Variants in MBD5 observed in about 807,000 individuals in gnomAD.
MBD5 encodes the protein methyl-CpG binding domain protein 5, also known as methyl-CpG-binding domain protein 5.
In MBD5, 13 loss-of-function variants were observed where a neutral mutation model predicts 117.3. That is an observed-to-expected ratio of 0.11 (90% CI 0.07 to 0.18). The LOEUF (loss-of-function observed/expected upper bound fraction) is 0.18. MBD5 is among the 10% of genes least tolerant of loss of function. The pLI, the probability that MBD5 is intolerant of heterozygous loss-of-function variation, is 1.00. For synonymous variants in MBD5, 727 were observed against 766.4 expected, an observed-to-expected ratio of 0.95 and a Z score of 0.85; for missense variants, 1,879 against 2,093.8, an observed-to-expected ratio of 0.90 and a Z score of 2.00.
chr2:148,399,915 G>A (rs1451929396), intron 4 of MBD5, among the ~76,000 whole-genome samples: 2 of 152,130 alleles, frequency 1.3e-5, no homozygotes, highest in African/African-American at 2.4e-5. Context: ...AGATAATCAT[G>A]TGGTTTTTTT....
intron 1 of MBD5, chr2:148,026,373 CAAAG>C (rs747222373): frequency 6.6e-6 from 1 of 151,486 alleles, no homozygotes; most frequent in Non-Finnish European, 1.5e-5. Flanking sequence ...TACAGAAAAA[CAAAG>C]AAAAAAAACC....
intron 4 of MBD5, among the ~76,000 whole-genome samples, chr2:148,389,251 CATATATATATATATATATATATATATAT>C (rs70995314): frequency 0.052 from 1,695 of 32,436 alleles, 87 homozygotes; most frequent in African/African-American, 0.076. Flanking sequence ...GAAAAAAAAA[CATATATATATATATATATATATATATAT>C]ATATATATAT....
At chr2:148,076,847 C>CT (rs1298623534) in intron 1 of MBD5, among the ~76,000 whole-genome samples, 1 of 152,206 alleles carries the variant, frequency 6.6e-6, no homozygotes, top group African/African-American at 2.4e-5. Context: ...TCCCTCTTCT[C>CT]TAAGTTCTCA....
intron 1 of MBD5, among the ~76,000 whole-genome samples, chr2:148,030,913 CT>C (rs1282231836): frequency 2.6e-5 from 4 of 152,066 alleles, no homozygotes; most frequent in Non-Finnish European, 5.9e-5. Flanking sequence ...GGTGAAAAGC[CT>C]AGTCAATTGA....
chr2:148,179,354 C>CA (rs762312262), intron 2 of MBD5, among the ~76,000 whole-genome samples: 4,393 of 70,746 alleles, frequency 0.062, 140 homozygotes, highest in African/African-American at 0.14. Context: ...GACTCTGTCT[C>CA]AAAAAAAAAA....
chr2:148,045,796 C>T (rs1694508448), intron 1 of MBD5, among the ~76,000 whole-genome samples: 1 of 151,994 alleles, frequency 6.6e-6, no homozygotes, highest in Admixed American at 6.5e-5. Flanking sequence ...TCTCCATTGT[C>T]TTTATGCTAT....
At chr2:148,158,518 A>G (rs1422164710) in intron 1 of MBD5, among the ~76,000 whole-genome samples, 3 of 152,220 alleles carry the variant, frequency 2.0e-5, no homozygotes, top group Non-Finnish European at 2.9e-5. Flanking sequence ...ACGAAGAGCC[A>G]GGACAAGAGA....
At chr2:148,029,381 AT>A (rs1455986024) in intron 1 of MBD5, among the ~76,000 whole-genome samples, 1 of 152,098 alleles carries the variant, frequency 6.6e-6, no homozygotes, top group Non-Finnish European at 1.5e-5. Context: ...TTGCTATTCA[AT>A]TTATTCGAAT....
intron 11 of MBD5, among the ~76,000 whole-genome samples, chr2:148,500,819 T>C (rs1681849239): frequency 6.6e-6 from 1 of 152,222 alleles, no homozygotes; most frequent in Admixed American, 6.5e-5. Flanking sequence ...AAATGAAATA[T>C]GCAAAGCATC....
At chr2:148,290,020 A>G (rs1701464483) in intron 3 of MBD5, among the ~76,000 whole-genome samples, 2 of 144,722 alleles carry the variant, frequency 1.4e-5, no homozygotes, top group South Asian at 4.3e-4. Flanking sequence ...CAGTAGCACG[A>G]TCTTAGCTCA....
intron 1 of MBD5, among the ~76,000 whole-genome samples, chr2:148,116,441 C>G (rs1696644302): frequency 6.6e-6 from 1 of 152,164 alleles, no homozygotes; most frequent in South Asian, 2.1e-4. Context: ...CATGTGAAAA[C>G]TAAGCATCTA....
chr2:148,184,925 G>A (rs1328474661), intron 2 of MBD5, among the ~76,000 whole-genome samples: 2 of 152,192 alleles, frequency 1.3e-5, no homozygotes, highest in African/African-American at 2.4e-5. Flanking sequence ...TCCCACCAGG[G>A]AGAACAGCAG....
At chr2:148,423,521 G>T (rs1705676808) in intron 4 of MBD5, among the ~76,000 whole-genome samples, 1 of 151,988 alleles carries the variant, frequency 6.6e-6, no homozygotes, top group Non-Finnish European at 1.5e-5. Context: ...ATCACCACCA[G>T]GCCTACCTTA....
chr2:148,293,661 G>A (rs1401010785), intron 3 of MBD5, among the ~76,000 whole-genome samples: 1 of 152,074 alleles, frequency 6.6e-6, no homozygotes, highest in Non-Finnish European at 1.5e-5. Flanking sequence ...CCAGTATAAT[G>A]TTGAATAGAA....
At chr2:148,030,135 G>T (rs542864045) in intron 1 of MBD5, among the ~76,000 whole-genome samples, 1 of 152,106 alleles carries the variant, frequency 6.6e-6, no homozygotes, top group South Asian at 2.1e-4. Context: ...GCCAGGCTTG[G>T]TGGCACATAC....
At chr2:148,041,728 G>A (rs939081430) in intron 1 of MBD5, among the ~76,000 whole-genome samples, 3 of 152,034 alleles carry the variant, frequency 2.0e-5, no homozygotes, top group Admixed American at 6.6e-5. Flanking sequence ...TGATTACTGG[G>A]GCAAAAGAAG....
chr2:148,384,174 CCT>C (rs1298668990), intron 4 of MBD5, among the ~76,000 whole-genome samples: 1 of 152,016 alleles, frequency 6.6e-6, no homozygotes, highest in Admixed American at 6.6e-5. Flanking sequence ...TCAAATTGTC[CCT>C]GTTTGCAGAT....
At chr2:148,491,316 G>A (rs1358859408) in intron 11 of MBD5, among the ~76,000 whole-genome samples, 1 of 121,598 alleles carries the variant, frequency 8.2e-6, no homozygotes, top group Non-Finnish European at 1.7e-5. Context: ...TTTTTTTTTC[G>A]GCCTTTACAA....
Position 148,490,354 on chromosome 2 carries a change from T to C in MBD5, c.4722T>C (p.Asn1574=), listed in dbSNP as rs1295448174. 6.2e-7 allele frequency: 1 copy of C among 1,614,204 alleles called. No homozygotes were observed. The highest frequency in any genetic ancestry group is 8.5e-7 in the Non-Finnish European group (1 of 1,180,028). ...ACATCCATTACAATGGAGACTTTAA[T>C]GCCAAAAGCGTTAATGGGTGTGTGC... ...KDYIHYNGDF[N]AKSVNGCVPS... The change falls in exon 11 of 14, where the codon AAT becomes AAC. Residue 1574 remains asparagine, a synonymous_variant. Transcript: ENST00000642680.
Sources: allele counts gnomAD v4.1 joint callset (sites outside exome capture counted in the v4.1 genomes callset), GRCh38; gene constraint gnomAD v4.1.1; transcripts MANE v1.5; gene names NCBI Gene and HGNC (gene_info 2026-07-23, HGNC 2026-07-21).